The following BST1 variants were observed in gnomAD, a reference collection of about 807,000 sequenced individuals.
BST1 encodes the protein bone marrow stromal cell antigen 1, also known as ADP-ribosyl cyclase/cyclic ADP-ribose hydrolase 2.
In BST1, 49 loss-of-function variants were observed where a neutral mutation model predicts 40.6. That is an observed-to-expected ratio of 1.21 (90% CI 0.96 to 1.53). BST1 has a LOEUF of 1.53. Among genes scored for constraint, BST1 ranks in the 40% most tolerant of loss-of-function variants. The pLI is 0.00. For missense variants in BST1, 423 were observed against 395.9 expected (o/e 1.07, Z -0.58); for synonymous variants, 157 against 159.3 (o/e 0.99, Z 0.11).
intron 4 of BST1, among the ~76,000 whole-genome samples, chr4:15,713,581 T>C (rs905267819): frequency 1.3e-5 from 2 of 152,222 alleles, no homozygotes; most frequent in African/African-American, 4.8e-5. Flanking sequence ...CAAGAAGCTT[T>C]ACCAGGATTA....
the BST1 span, among the ~76,000 whole-genome samples, chr4:15,746,445 C>G: frequency 2.0e-5 from 3 of 152,212 alleles, no homozygotes; most frequent in Admixed American, 2.0e-4. Context: ...GAGCATCGCA[C>G]TAGTATCTGG....
intron 3 of BST1, among the ~76,000 whole-genome samples, chr4:15,711,231 G>A (rs55757331): frequency 0.091 from 13,785 of 152,138 alleles, 799 homozygotes; most frequent in Non-Finnish European, 0.13. Flanking sequence ...AGAGTATATG[G>A]TAAGTACATC....
intron 2 of BST1, 140 bp downstream of exon 2, chr4:15,705,781 C>A: frequency 8.8e-7 from 1 of 1,137,270 alleles, no homozygotes; most frequent in Non-Finnish European, 1.3e-6. Flanking sequence ...AATGTGTGTG[C>A]TGAGCTCTCT....
chr4:15,737,607 C>T (rs1721616553), downstream of BST1, among the ~76,000 whole-genome samples: 2 of 151,370 alleles, frequency 1.3e-5, no homozygotes, highest in Admixed American at 6.6e-5. Flanking sequence ...ATGAACAATG[C>T]TAAGCATTTG....
chr4:15,722,136 A>G (rs1243570766), intron 7 of BST1, among the ~76,000 whole-genome samples: 2 of 152,136 alleles, frequency 1.3e-5, no homozygotes, highest in Non-Finnish European at 2.9e-5. Flanking sequence ...TTCAAGTCCA[A>G]CCTTCTGCCC....
chr4:15,704,236 G>A lies in BST1; in HGVS notation c.188+904G>A, dbSNP rs370976860. 3.8e-3 allele frequency among the ~76,000 whole-genome samples: 556 copies of A among 145,898 alleles called. 3 individuals are homozygous for A. Among genetic ancestry groups the A allele is most frequent in the Non-Finnish European group, 6.5e-3 (435 of 66,568 alleles). On this transcript the variant is annotated intron_variant, in intron 1 of 8. Coordinates refer to ENST00000265016, the MANE Select transcript of BST1 (RefSeq NM_004334.3). The stretch of plus-strand genomic sequence containing the variant: ...TGTGTATTCTAGAGCTGAGGAGAGT[G>A]TGTGTTCTAGAGATGAGGTGTGTAT...
chr4:15,742,647 G>A (rs1236966645), downstream of BST1, among the ~76,000 whole-genome samples: 2 of 152,250 alleles, frequency 1.3e-5, no homozygotes, highest in East Asian at 1.9e-4. Flanking sequence ...CAGAGGATAA[G>A]TCCAGGGAGT....
chr4:15,773,065 A>G, the BST1 span, among the ~76,000 whole-genome samples: 1 of 152,248 alleles, frequency 6.6e-6, no homozygotes, highest in African/African-American at 2.4e-5. Context: ...TAGACAATAC[A>G]TGGAGGAAGG....
downstream of BST1, among the ~76,000 whole-genome samples, chr4:15,734,188 T>A (rs1721482713): frequency 6.6e-6 from 1 of 152,114 alleles, no homozygotes; most frequent in Non-Finnish European, 1.5e-5. Flanking sequence ...TTGAGAATGA[T>A]CAGGACTAGA....
intron 6 of BST1, among the ~76,000 whole-genome samples, chr4:15,716,767 C>T (rs1476991929): frequency 6.6e-6 from 1 of 152,126 alleles, no homozygotes; most frequent in Non-Finnish European, 1.5e-5. Context: ...AGAAGTTGCT[C>T]TCTCTGGAAG....
At chr4:15,711,264 G>T (rs1421433342) in intron 3 of BST1, among the ~76,000 whole-genome samples, 4 of 151,762 alleles carry the variant, frequency 2.6e-5, no homozygotes, top group Non-Finnish European at 5.9e-5. Context: ...GATCTGCTAG[G>T]GTCTTTAGTC....
At chr4:15,706,432 G>C (rs1328899955) in intron 2 of BST1, among the ~76,000 whole-genome samples, 1 of 151,894 alleles carries the variant, frequency 6.6e-6, no homozygotes, top group Non-Finnish European at 1.5e-5. Flanking sequence ...CCATTTAACG[G>C]GTCTTAAGAT....
chr4:15,724,553 G>A (rs1452023513), intron 8 of BST1, among the ~76,000 whole-genome samples: 1 of 152,118 alleles, frequency 6.6e-6, no homozygotes, highest in Non-Finnish European at 1.5e-5. Context: ...AGGAGTGGTG[G>A]TGCGTGCCTG....
intron 1 of BST1, 76 bp from the exon 2 acceptor site, chr4:15,705,439 T>G: frequency 6.8e-7 from 1 of 1,473,016 alleles, no homozygotes; most frequent in Non-Finnish European, 9.1e-7. Context: ...TGTAAAGCTC[T>G]TAGACAAATG....
intron 8 of BST1, chr4:15,731,010 C>T: frequency 1.6e-6 from 1 of 606,840 alleles, no homozygotes; most frequent in Non-Finnish European, 2.7e-6. Context: ...TATATAAGGC[C>T]CGGACATTCT....
downstream of BST1, chr4:15,735,923 T>C (rs1173149426): frequency 2.6e-6 from 1 of 383,054 alleles, no homozygotes; most frequent in African/African-American, 2.2e-5. Flanking sequence ...AGAGTAATAA[T>C]GGCTCTTTAC....
chr4:15,743,383 C>A, the BST1 span: 1 of 307,574 alleles, frequency 3.3e-6, no homozygotes, highest in Non-Finnish European at 6.4e-6. Context: ...CTGTATGAAG[C>A]TGTAGGATAT....
chr4:15,741,245 T>C (rs1315911250), downstream of BST1, among the ~76,000 whole-genome samples: 4 of 152,134 alleles, frequency 2.6e-5, no homozygotes, highest in Non-Finnish European at 5.9e-5. Flanking sequence ...GCCATCCCTG[T>C]CTACAGCTAG....
At chr4:15,749,500 A>C in the BST1 span, among the ~76,000 whole-genome samples, 1 of 152,096 alleles carries the variant, frequency 6.6e-6, no homozygotes, top group South Asian at 2.1e-4. Context: ...GCTTTCATGG[A>C]TGAAAGAGTT....
Sources: gnomAD v4.1 joint callset for allele counts (sites outside exome capture counted in the v4.1 genomes callset) on GRCh38, gnomAD v4.1.1 for gene constraint, MANE v1.5 for transcripts, NCBI Gene and HGNC (gene_info 2026-07-23, HGNC 2026-07-21) for gene names.